Variants in FLT1 observed in about 807,000 individuals in gnomAD.
FLT1 encodes the protein vascular endothelial growth factor receptor 1.
A neutral mutation model predicts 156.3 loss-of-function variants in FLT1; 49 were observed. That is an observed-to-expected ratio of 0.31 (90% CI 0.25 to 0.40). The LOEUF (loss-of-function observed/expected upper bound fraction) is 0.40. Ranked by LOEUF, FLT1 falls within the 10% of genes least tolerant of loss-of-function variation. The probability of loss-of-function intolerance (pLI) is 1.00; values close to 1 mark genes in which losing one functional copy is unlikely to be tolerated. For synonymous variants in FLT1, 594 were observed against 583.8 expected (o/e 1.02, Z -0.25); for missense variants, 1,322 against 1,637.2 (o/e 0.81, Z 3.32).
chr13:28,320,242 G>A (rs1193531170), intron 23 of FLT1, among the ~76,000 whole-genome samples: 1 of 152,098 alleles, frequency 6.6e-6, no homozygotes. Flanking sequence ...AAGGAGGGGA[G>A]GACTAACATG....
Position 28,388,367 on chromosome 13 carries a change from C to T in FLT1, c.1969+1429G>A, listed in dbSNP as rs1016563918. On this transcript the variant is annotated intron_variant, in intron 13 of 29. Transcript: ENST00000282397. Reference sequence around the variant, plus strand: ...AAGGAGGAAACAGTCTGGTGAGTTCCCAAGCTTGAGAAGTTGTCATATTGT... The same window carrying T: ...AAGGAGGAAACAGTCTGGTGAGTTCTCAAGCTTGAGAAGTTGTCATATTGT... 3.8e-6 allele frequency: 4 copies of T among 1,057,880 alleles called. No homozygotes were observed. The African/African-American group carries it at 6.6e-5, about 17-fold the overall frequency. 65.5% of individuals were successfully genotyped at this position (1,057,880 alleles called of 1,614,324 possible).
intron 17 of FLT1, among the ~76,000 whole-genome samples, chr13:28,337,237 C>T (rs1327154401): frequency 6.6e-6 from 1 of 151,848 alleles, no homozygotes; most frequent in Admixed American, 6.6e-5. Context: ...CAACTGCATC[C>T]ATCTATCAGG....
At chr13:28,437,524 C>A (rs1878098184) in intron 4 of FLT1, among the ~76,000 whole-genome samples, 1 of 152,172 alleles carries the variant, frequency 6.6e-6, no homozygotes. Context: ...GTTTGGGGAG[C>A]TTTTATCCAG....
intron 15 of FLT1, among the ~76,000 whole-genome samples, chr13:28,353,455 C>A (rs1335450553): frequency 6.6e-6 from 1 of 151,880 alleles, no homozygotes; most frequent in Admixed American, 6.6e-5. Flanking sequence ...CGCCTGTAAT[C>A]CCAGCTACTC....
intron 1 of FLT1, among the ~76,000 whole-genome samples, chr13:28,486,201 A>G (rs1881151334): frequency 6.6e-6 from 1 of 152,244 alleles, no homozygotes; most frequent in Admixed American, 6.5e-5. Context: ...GGATGCCCCC[A>G]GGAAGGGGGA....
At chr13:28,438,567 C>T (rs1878165555) in intron 3 of FLT1, among the ~76,000 whole-genome samples, 1 of 152,250 alleles carries the variant, frequency 6.6e-6, no homozygotes, top group Non-Finnish European at 1.5e-5. Context: ...CTGTTGTTGG[C>T]CTCTGATCAG....
At chr13:28,447,238 G>A (rs1406183191) in intron 3 of FLT1, among the ~76,000 whole-genome samples, 3 of 151,018 alleles carry the variant, frequency 2.0e-5, no homozygotes, top group Non-Finnish European at 4.4e-5. Context: ...AAGTGCAGTG[G>A]CAGGACCATG....
At chr13:28,358,233 A>G (rs1312944300) in intron 14 of FLT1, among the ~76,000 whole-genome samples, 1 of 152,172 alleles carries the variant, frequency 6.6e-6, no homozygotes, top group African/African-American at 2.4e-5. Context: ...TTTGTGACAT[A>G]TGGGTCAAAG....
In FLT1 at chr13:28,347,851, C is replaced by T. The variant is rs542233304; in HGVS notation, c.2249-2300G>A. On this transcript the variant is annotated intron_variant, in intron 15 of 29. Transcript: ENST00000282397. The stretch of plus-strand genomic sequence containing the variant: ...TTTTATGAATAAGGAAATTGAGACA[C>T]AGAGAGATTAAGCCTCTTGCCCAAA... Among the ~76,000 whole-genome samples, 2 of 152,182 alleles carry T rather than the reference C, an allele frequency of 1.3e-5. 1 individual carries two copies. The highest frequency in any genetic ancestry group is 4.1e-4 in the South Asian group (2 of 4,822).
Position 28,322,231 on chromosome 13 carries a change from G to T in FLT1, c.3051+31C>A, listed in dbSNP as rs757287675. On this transcript the variant is annotated intron_variant, in intron 22 of 29. Coordinates refer to ENST00000282397, the MANE Select transcript of FLT1 (RefSeq NM_002019.4). This position sits in a 1 kb window ranked among gnomAD's most constrained non-coding sequence, Gnocchi z 4.3. ...CAAAGGTGTGTGTCCAGCCCTGGCA[G>T]AGAAGAAAAACAGTAAACAGCAAGA... The T allele has an allele frequency of 9.2e-6, 12 of 1,307,612 alleles. No individual in the cohort carries two copies. The highest frequency in any genetic ancestry group is 1.4e-5 in the African/African-American group (1 of 69,388). The allele number at this position is 1,307,612 out of a possible 1,614,324, so 81.0% of individuals were successfully genotyped here.
At chr13:28,466,623 C>A in intron 3 of FLT1, 1 of 452,826 alleles carries the variant, frequency 2.2e-6, no homozygotes, top group Non-Finnish European at 4.0e-6. Context: ...TTCACTTATT[C>A]ATCCAACTAT....
chr13:28,483,724 G>A (rs1027112164), intron 1 of FLT1, among the ~76,000 whole-genome samples: 2 of 152,220 alleles, frequency 1.3e-5, no homozygotes, highest in South Asian at 4.1e-4. Flanking sequence ...GTTGCTCACT[G>A]TACAAGGACT....
intron 15 of FLT1, chr13:28,345,858 G>A (rs1029176624): frequency 1.9e-5 from 5 of 267,900 alleles, no homozygotes; most frequent in East Asian, 1.5e-4. Flanking sequence ...AAAAATCAGA[G>A]GAGAAATTAA....
At chr13:28,421,803 C>T (rs9508032) in intron 10 of FLT1, among the ~76,000 whole-genome samples, 113,224 of 152,106 alleles carry the variant, frequency 0.74, 42,265 homozygotes, top group Non-Finnish European at 0.75. Context: ...CAGTGATTTT[C>T]TAAGTTAACT....
At chr13:28,429,523 CA>C (rs1000888237) in intron 8 of FLT1, among the ~76,000 whole-genome samples, 1 of 151,638 alleles carries the variant, frequency 6.6e-6, no homozygotes, top group Non-Finnish European at 1.5e-5. Flanking sequence ...TCTTTCTAGC[CA>C]AAAAAAACTT....
At chr13:28,371,521 G>T (rs1375430636) in intron 14 of FLT1, among the ~76,000 whole-genome samples, 2 of 152,020 alleles carry the variant, frequency 1.3e-5, no homozygotes, top group Non-Finnish European at 2.9e-5. Context: ...CAGATAGATG[G>T]TCCCAGTATC....
At position 28,434,170 on chromosome 13, in the gene FLT1, A is replaced by G. The variant is rs751061744; in HGVS notation, c.564T>C (p.Ser188=). 23 of 1,614,068 alleles carry G rather than the reference A, an allele frequency of 1.4e-5. No individual in the cohort carries two copies. The highest frequency in any genetic ancestry group is 1.7e-5 in the Non-Finnish European group (20 of 1,179,978). Reference sequence around the variant, plus strand: ...CATTTGATATGATGAAGCCCTTTCTACTGTCCCAGATTATGCGTTTTCCAT... The same window carrying G: ...CATTTGATATGATGAAGCCCTTTCTGCTGTCCCAGATTATGCGTTTTCCAT... ...IPDGKRIIWD[S]RKGFIISNAT... is the part of the protein sequence containing the mutation. Residue 188 remains serine (S), a synonymous_variant, in exon 5 of 30, where the codon AGT becomes AGC. Coordinates refer to ENST00000282397, the MANE Select transcript of FLT1 (RefSeq NM_002019.4).
chr13:28,381,196 C>G (rs2137443202), intron 14 of FLT1, among the ~76,000 whole-genome samples: 1 of 152,304 alleles, frequency 6.6e-6, no homozygotes, highest in Non-Finnish European at 1.5e-5. Context: ...CAAAGAATCA[C>G]TCAACATCCT....
chr13:28,362,359 A>C (rs1339124600), intron 14 of FLT1, among the ~76,000 whole-genome samples: 1 of 152,246 alleles, frequency 6.6e-6, no homozygotes, highest in Non-Finnish European at 1.5e-5. Flanking sequence ...TATAAGATAT[A>C]GTACAAGTGG....
Sources: allele counts gnomAD v4.1 joint callset (sites outside exome capture counted in the v4.1 genomes callset), GRCh38; gene constraint gnomAD v4.1.1; non-coding constraint Gnocchi (gnomAD v3.1); transcripts MANE v1.5; gene names NCBI Gene and HGNC (gene_info 2026-07-23, HGNC 2026-07-21).